DNAH10: variants seen among roughly 807,000 people sequenced by gnomAD.
DNAH10 encodes axonemal beta dynein heavy chain 10.
In DNAH10, 348 loss-of-function variants were observed where a neutral mutation model predicts 506.6. The observed-to-expected ratio is 0.69, with a 90% CI of 0.63 to 0.75. DNAH10 has a LOEUF of 0.75. Ranked by LOEUF, DNAH10 falls within the 30% of genes least tolerant of loss-of-function variation. The pLI, the probability that DNAH10 is intolerant of heterozygous loss-of-function variation, is 0.00. For missense variants in DNAH10, 5,179 were observed against 5,787.1 expected (o/e 0.89, Z 3.41); for synonymous variants, 2,059 against 2,198.6 (o/e 0.94, Z 1.78).
chr12:123,918,507 TA>T (rs1282467250), intron 64 of DNAH10, among the ~76,000 whole-genome samples, 168 bp from the exon 65 acceptor site: 2 of 152,216 alleles, frequency 1.3e-5, no homozygotes, highest in African/African-American at 4.8e-5. Context: ...CAGCCACAAA[TA>T]TTCACCCCTT....
chr12:123,910,440 C>A, intron 58 of DNAH10, 96 bp from the exon 59 acceptor site: 1 of 1,485,358 alleles, frequency 6.7e-7, no homozygotes, highest in Non-Finnish European at 9.1e-7. Flanking sequence ...CACAGGGCCA[C>A]TGAAGAATAA....
rs1955024517 is a variant in DNAH10 at position 123,928,061 on chromosome 12, T to C, written c.12106-326T>C. 1 of 432,914 alleles carries C rather than the reference T, an allele frequency of 2.3e-6. No individual in the cohort carries two copies. Among genetic ancestry groups the C allele is most frequent in the Non-Finnish European group, 4.2e-6 (1 of 240,188 alleles). 26.8% of individuals were successfully genotyped at this position (432,914 alleles called of 1,614,324 possible). The stretch of plus-strand genomic sequence containing the variant: ...TTCCTGGTGGGCTTTAGCTGGTCTC[T>C]TGCAGCCCTGCTCAGGAGTCCTCAG... On this transcript the variant is annotated intron_variant, in intron 69 of 78. Coordinates refer to ENST00000673944, the MANE Select transcript of DNAH10 (RefSeq NM_001372106.1). The surrounding 1 kb of genome is among the most constrained non-coding windows in gnomAD (Gnocchi z 4.9).
chr12:123,861,899 G>A (rs1462287839), intron 39 of DNAH10, among the ~76,000 whole-genome samples: 1 of 152,186 alleles, frequency 6.6e-6, no homozygotes, highest in African/African-American at 2.4e-5. Flanking sequence ...AGGATTCCAC[G>A]CTGAATTCCG....
intron 25 of DNAH10, among the ~76,000 whole-genome samples, chr12:123,829,166 G>A (rs1960278278): frequency 6.6e-6 from 1 of 152,310 alleles, no homozygotes; most frequent in South Asian, 2.1e-4. Flanking sequence ...CATTAGGGGA[G>A]TGGGGTGGTC....
chr12:123,801,436 A>G lies in DNAH10; in HGVS notation c.2614+4A>G. On this transcript the variant is annotated splice_donor_region_variant and intron_variant, in intron 16 of 78. Transcript: ENST00000673944. ...AGGTTGAACTGGAACTCACTAGGTAACGTCATTCATCTATTGATTGCCTTT... is the reference window on the plus strand; with the variant it reads ...AGGTTGAACTGGAACTCACTAGGTAGCGTCATTCATCTATTGATTGCCTTT... 6.2e-7 allele frequency: 1 copy of G among 1,611,806 alleles called. No individual in the cohort carries two copies. Among genetic ancestry groups the G allele is most frequent in the South Asian group, 1.1e-5 (1 of 90,396 alleles).
chr12:123,934,522 C>G (rs1955389391), intron 77 of DNAH10, 99 bp from the exon 78 acceptor site: 8 of 1,461,862 alleles, frequency 5.5e-6, no homozygotes, highest in Non-Finnish European at 7.5e-6. Flanking sequence ...AGGAGGCCAG[C>G]CAGTGGCCTG....
intron 13 of DNAH10, among the ~76,000 whole-genome samples, chr12:123,797,828 C>A (rs772285186): frequency 1.3e-5 from 2 of 152,228 alleles, no homozygotes; most frequent in Non-Finnish European, 2.9e-5. Flanking sequence ...TCTCACCCCC[C>A]ACCCATGGAT....
At chr12:123,885,264 C>A (rs9669530) in intron 51 of DNAH10, among the ~76,000 whole-genome samples, 70,075 of 152,074 alleles carry the variant, frequency 0.46, 16,579 homozygotes, top group Non-Finnish European at 0.51. Flanking sequence ...TAACTTATGT[C>A]ATTTTTCCCC....
chr12:123,881,863 A>G, intron 51 of DNAH10, 50 bp downstream of exon 51: 2 of 1,419,050 alleles, frequency 1.4e-6, no homozygotes, highest in Non-Finnish European at 1.9e-6. Flanking sequence ...CAGTTTCTGC[A>G]GTTGGTAGTT....
chr12:123,806,731 G>A (rs1958687676), intron 18 of DNAH10, among the ~76,000 whole-genome samples: 1 of 150,888 alleles, frequency 6.6e-6, no homozygotes, highest in Non-Finnish European at 1.5e-5. Flanking sequence ...CTTACATGGA[G>A]CTACCTCCTA....
At chr12:123,823,013 A>C (rs1959582832) in intron 24 of DNAH10, among the ~76,000 whole-genome samples, 1 of 152,238 alleles carries the variant, frequency 6.6e-6, no homozygotes, top group Non-Finnish European at 1.5e-5. Context: ...ATATGTGAAC[A>C]AATAACCACG....
At position 123,879,751 on chromosome 12, in the gene DNAH10, C is replaced by T. The variant is rs184163815; in HGVS notation, c.8584C>T (p.Arg2862Cys). Residue 2862 changes from arginine (R) to cysteine (C), a missense_variant, in exon 50 of 79, where the codon CGC (arginine) becomes TGC (cysteine). Arg to Cys is a radical substitution (Grantham distance 180). Around this residue, in one of 3 missense-constraint regions of DNAH10, gnomAD observed 4,844 missense variants for 5,430.5 expected, o/e 0.89. Transcript: ENST00000673944. ...FQMALHEGEPRIYEDIQDYEA... is the reference protein window; with the variant it reads ...FQMALHEGEPCIYEDIQDYEA... ...GATGGCTCTGCACGAAGGAGAACCA[C>T]GCATTTATGAAGACATCCAGGACTA... 695 of 1,614,022 alleles carry T rather than the reference C, an allele frequency of 4.3e-4. 2 individuals carry two copies. The highest frequency in any genetic ancestry group is 4.9e-4 in the Non-Finnish European group (579 of 1,179,894).
chr12:123,881,757 G>A lies in DNAH10; in HGVS notation c.8767G>A (p.Gly2923Arg). Residue 2923 changes from glycine (G) to arginine (R), a missense_variant, in exon 51 of 79, where the codon GGG (glycine) becomes AGG (arginine). Gly to Arg is a moderately radical substitution (Grantham distance 125). Coordinates refer to ENST00000673944, the MANE Select transcript of DNAH10 (RefSeq NM_001372106.1). ...CGGCCACGCCCTGCTGGTCGGGGTA[G>A]GGGGCTCAGGGAAGCAGTCTCTTTC... ...DRGHALLVGV[G>R]GSGKQSLSRL... The A allele has an allele frequency of 6.5e-7, 1 of 1,540,640 alleles. No homozygotes were observed. The highest frequency in any genetic ancestry group is 8.8e-7 in the Non-Finnish European group (1 of 1,141,638).
chr12:123,774,086 G>A (rs1173894388), intron 4 of DNAH10, 63 bp from the exon 5 acceptor site: 12 of 1,048,064 alleles, frequency 1.1e-5, no homozygotes, highest in Non-Finnish European at 1.7e-5. Context: ...TGTTCTCTTG[G>A]AAATGTTAAC....
intron 25 of DNAH10, among the ~76,000 whole-genome samples, chr12:123,829,946 C>T (rs934024277): frequency 2.6e-5 from 4 of 152,262 alleles, no homozygotes; most frequent in Admixed American, 6.5e-5. Flanking sequence ...GAGTCTGCCC[C>T]GACTGTCCCG....
intron 3 of DNAH10, 129 bp downstream of exon 3, chr12:123,771,827 G>C (rs1593970591): frequency 1.3e-6 from 1 of 773,004 alleles, no homozygotes; most frequent in East Asian, 2.7e-5. Context: ...AGGATCCCAA[G>C]GCCACCCTCA....
intron 47 of DNAH10, among the ~76,000 whole-genome samples, chr12:123,875,882 T>C (rs1348906483): frequency 6.6e-6 from 1 of 152,098 alleles, no homozygotes; most frequent in Non-Finnish European, 1.5e-5. Flanking sequence ...TCATTCTCAT[T>C]TGGAGCGGGG....
At chr12:123,887,357 G>T (rs1952782509) in intron 52 of DNAH10, 44 bp downstream of exon 52, 1 of 1,576,760 alleles carries the variant, frequency 6.3e-7, no homozygotes, top group Non-Finnish European at 8.6e-7. Context: ...ACCCCGCTCA[G>T]CTCTTAAGGG....
chr12:123,790,211 C>CTT (rs35056478), intron 11 of DNAH10, 90 bp downstream of exon 11: 1,394 of 1,049,204 alleles, frequency 1.3e-3, no homozygotes, highest in African/African-American at 2.8e-3. Flanking sequence ...GATGCTTAGT[C>CTT]TTTTTTTTTA....
Sources: gnomAD v4.1 joint callset for allele counts (sites outside exome capture counted in the v4.1 genomes callset) on GRCh38, gnomAD v4.1.1 for gene constraint, gnomAD v4.1.1 regional missense constraint, Gnocchi (gnomAD v3.1) non-coding constraint, MANE v1.5 for transcripts, NCBI Gene and HGNC (gene_info 2026-07-23, HGNC 2026-07-21) for gene names.